The following ERG variants were observed in gnomAD, a reference collection of about 807,000 sequenced individuals.
The protein encoded by ERG is transcriptional regulator ERG.
ERG carries 9 observed loss-of-function variants against 55.3 expected under a neutral mutation model. The ratio of observed to expected loss-of-function variants is 0.16; its 90% CI spans 0.10 to 0.28. The LOEUF is 0.28. ERG is among the 10% of genes least tolerant of loss of function. ERG has a pLI of 1.00. For missense variants in ERG, 434 were observed against 631.6 expected (o/e 0.69, Z 3.35); for synonymous variants, 223 against 237.3 (o/e 0.94, Z 0.55).
chr21:38,597,472 TAC>T (rs3065420), intron 1 of ERG, among the ~76,000 whole-genome samples: 39 of 148,250 alleles, frequency 2.6e-4, no homozygotes, highest in South Asian at 1.3e-3. Flanking sequence ...TATATATATC[TAC>T]ACACACACAC....
intron 1 of ERG, among the ~76,000 whole-genome samples, chr21:38,603,677 G>C (rs201767658): frequency 0.072 from 10,924 of 151,970 alleles, 783 homozygotes; most frequent in African/African-American, 0.18. Flanking sequence ...ATCACCCAAG[G>C]CAGGGAATCC....
the ERG span, among the ~76,000 whole-genome samples, chr21:38,374,635 T>C: frequency 2.9e-3 from 438 of 152,306 alleles, 3 homozygotes; most frequent in African/African-American, 0.01. Flanking sequence ...TGGCTGTTAC[T>C]ATAACCATCT....
At chr21:38,574,440 G>A (rs928127304) in intron 2 of ERG, among the ~76,000 whole-genome samples, 2 of 152,072 alleles carry the variant, frequency 1.3e-5, no homozygotes, top group Non-Finnish European at 2.9e-5. Context: ...TAGAATCCTC[G>A]ACATCCCTAG....
chr21:38,429,586 T>G lies in ERG; in HGVS notation c.237-6025A>C, dbSNP rs58931195. ...GTATACACATGTACATATATACATA[T>G]GTGTATATGTACATGTATACACATG... On this transcript the variant is annotated intron_variant, in intron 2 of 9. Coordinates refer to ENST00000288319, the MANE Select transcript of ERG (RefSeq NM_182918.4). Among the ~76,000 whole-genome samples the G allele has an allele frequency of 7.1e-5, 4 of 56,622 alleles. 1 individual carries two copies. The highest frequency in any genetic ancestry group is 1.8e-4 in the African/African-American group (4 of 21,796). The allele number at this position is 56,622 out of a possible 152,430, so 37.1% of individuals were successfully genotyped here. A position where few individuals can be genotyped will look rare whatever the true frequency, so the allele number is the denominator to read the frequency against.
chr21:38,522,277 T>TA (rs35380150), intron 2 of ERG, among the ~76,000 whole-genome samples: 17,939 of 151,230 alleles, frequency 0.12, 1,209 homozygotes, highest in East Asian at 0.19. Context: ...TTCTCAAATG[T>TA]AAAAAAAAAG....
chr21:38,383,625 T>A lies in ERG; in HGVS notation c.1218A>T (p.Ser406=), dbSNP rs1987552657. 6.2e-7 allele frequency: 1 copy of A among 1,613,542 alleles called. No individual in the cohort carries two copies. Among genetic ancestry groups the A allele is most frequent in the Non-Finnish European group, 8.5e-7 (1 of 1,179,884 alleles). Reference sequence around the variant, plus strand: ...GGTCTGAGGGGTACTTGTACAGAGATGACTCCGGGGGGTGGGGCTGGAGGG... The same window carrying A: ...GGTCTGAGGGGTACTTGTACAGAGAAGACTCCGGGGGGTGGGGCTGGAGGG... ...AQALQPHPPE[S]SLYKYPSDLP... is the part of the protein sequence containing the mutation. Residue 406 remains serine (S), a synonymous_variant, in exon 10 of 10, where the codon TCA becomes TCT. Coordinates refer to ENST00000288319, the MANE Select transcript of ERG (RefSeq NM_182918.4). The surrounding 1 kb of genome is among the most constrained non-coding windows in gnomAD (Gnocchi z 5.7).
intron 2 of ERG, among the ~76,000 whole-genome samples, chr21:38,569,069 C>T (rs959482107): frequency 6.6e-6 from 1 of 152,218 alleles, no homozygotes; most frequent in Non-Finnish European, 1.5e-5. Flanking sequence ...AGCAGCTCCC[C>T]TGTCCCTCTC....
At chr21:38,584,951 T>C (rs902848271), upstream of ERG, 1 of 152,234 alleles carries the variant, frequency 6.6e-6, no homozygotes, top group Non-Finnish European at 1.5e-5. Context: ...ATAACCTGAA[T>C]ATAAGTTGAA....
At chr21:38,543,330 G>A (rs2059765945) in intron 2 of ERG, among the ~76,000 whole-genome samples, 1 of 147,898 alleles carries the variant, frequency 6.8e-6, no homozygotes, top group Non-Finnish European at 1.5e-5. Flanking sequence ...CCCTACTGAT[G>A]CATAAACTAC....
At chr21:38,523,616 C>G (rs976607030) in intron 2 of ERG, among the ~76,000 whole-genome samples, 1 of 152,202 alleles carries the variant, frequency 6.6e-6, no homozygotes, top group Non-Finnish European at 1.5e-5. Flanking sequence ...AGTTTCACCC[C>G]ACTCATTATT....
chr21:38,439,818 C>T (rs897556321), intron 2 of ERG, among the ~76,000 whole-genome samples: 4 of 152,206 alleles, frequency 2.6e-5, no homozygotes, highest in Non-Finnish European at 4.4e-5. Flanking sequence ...AGCTTGTAAG[C>T]ACGTTAGGAC....
intron 1 of ERG, among the ~76,000 whole-genome samples, chr21:38,449,839 G>T (rs2058924688): frequency 6.6e-6 from 1 of 152,152 alleles, no homozygotes; most frequent in African/African-American, 2.4e-5. Flanking sequence ...TTTGGGAGTG[G>T]TAAAGTGTTG....
rs539864157 is a variant in ERG at position 38,584,294 on chromosome 21, G to C, written c.-127+550C>G. Among the ~76,000 whole-genome samples, 3 of 152,278 alleles carry C rather than the reference G, an allele frequency of 2.0e-5. No homozygotes were observed. In the South Asian group the frequency reaches 6.2e-4, roughly 32 times the overall value. On this transcript the variant is annotated intron_variant, in intron 1 of 8. Transcript: ENST00000398897. The stretch of plus-strand genomic sequence containing the variant: ...CTCATGGGCATGCCTTAGAGAGAGG[G>C]AGCTGACCCTCTCCTTCTTCAACTG...
intron 1 of ERG, among the ~76,000 whole-genome samples, chr21:38,625,154 A>G (rs1479424017): frequency 6.6e-6 from 1 of 152,130 alleles, no homozygotes. Flanking sequence ...ACCATATGGC[A>G]TAAAGCTGTA....
At chr21:38,385,110 T>C (rs1987632593) in intron 9 of ERG, among the ~76,000 whole-genome samples, 1 of 152,210 alleles carries the variant, frequency 6.6e-6, no homozygotes, top group South Asian at 2.1e-4. Flanking sequence ...TACAGCTTTG[T>C]TTTATGAAAT....
At chr21:38,616,002 G>T (rs545073776) in intron 1 of ERG, among the ~76,000 whole-genome samples, 43 of 152,186 alleles carry the variant, frequency 2.8e-4, no homozygotes, top group African/African-American at 1.0e-3. Flanking sequence ...CACGTGTCAA[G>T]GGAGGGACCT....
At chr21:38,476,465 C>T (rs2059188716) in intron 1 of ERG, among the ~76,000 whole-genome samples, 1 of 152,218 alleles carries the variant, frequency 6.6e-6, no homozygotes, top group Admixed American at 6.5e-5. Flanking sequence ...TCACCACATA[C>T]CAGCATTAAT....
Position 38,576,613 on chromosome 21 carries a change from G to C in ERG, c.-126-866C>G, listed in dbSNP as rs533242019. Among the ~76,000 whole-genome samples, 9 of 152,214 alleles carry C rather than the reference G, an allele frequency of 5.9e-5. No homozygotes were observed. In the East Asian group the frequency reaches 1.5e-3, roughly 26 times the overall value. ...GCAGCATGTTCTGACCACTGTCTGT[G>C]CCCTCCCCTTCCACCGAGCCAGTCT... is the stretch of plus-strand genomic sequence containing the variant. On this transcript the variant is annotated intron_variant, in intron 1 of 8. Transcript: ENST00000398897.
chr21:38,572,365 C>CA (rs758324053), intron 2 of ERG, among the ~76,000 whole-genome samples: 9,893 of 66,748 alleles, frequency 0.15, 801 homozygotes, highest in African/African-American at 0.27. Flanking sequence ...GAGACTCCAT[C>CA]AAAAAAAAAA....
Sources: gnomAD v4.1 joint callset for allele counts (sites outside exome capture counted in the v4.1 genomes callset) on GRCh38, gnomAD v4.1.1 for gene constraint, Gnocchi (gnomAD v3.1) non-coding constraint, MANE v1.5 for transcripts, NCBI Gene and HGNC (gene_info 2026-07-23, HGNC 2026-07-21) for gene names.